The following CRYBG3 variants were observed in gnomAD, a reference collection of about 807,000 sequenced individuals.
CRYBG3 encodes very large A-kinase anchor protein.
Under a neutral mutation model 244.2 loss-of-function variants are expected in CRYBG3, and 127 were observed. The ratio of observed to expected loss-of-function variants is 0.52; its 90% CI spans 0.45 to 0.60. The LOEUF (loss-of-function observed/expected upper bound fraction) is 0.60, where lower values mean the gene tolerates loss of function less well. Ranked by LOEUF, CRYBG3 falls within the 20% of genes least tolerant of loss-of-function variation. The pLI, the probability that CRYBG3 is intolerant of heterozygous loss-of-function variation, is 0.00. For missense variants in CRYBG3, 3,325 were observed against 3,442.5 expected (o/e 0.97, Z 0.85); for synonymous variants, 1,132 against 1,195.8 (o/e 0.95, Z 1.10).
chr3:97,874,079 C>G lies in CRYBG3; in HGVS notation c.2885C>G (p.Ala962Gly). ...ISRQMAQNCE[A>G]HTCVFHQSLD... is the part of the protein sequence containing the mutation. ...AGGCAAATGGCGCAGAATTGTGAAG[C>G]TCACACTTGTGTGTTTCATCAATCT... is the stretch of plus-strand genomic sequence containing the variant. The change falls in exon 4 of 22, where the codon GCT (alanine) becomes GGT (glycine). Residue 962 changes from alanine (A) to glycine (G), a missense_variant. Physicochemically the swap from Ala to Gly is moderately conservative, Grantham distance 60. This residue lies in a region of CRYBG3 where 1,526 missense variants were observed against 1,443.2 expected (regional missense o/e 1.06). Transcript: ENST00000389622. 6.5e-7 allele frequency: 1 copy of G among 1,535,856 alleles called. No homozygotes were observed. The highest frequency in any genetic ancestry group is 1.2e-5 in the South Asian group (1 of 83,978).
Position 97,908,396 on chromosome 3 carries a change from G to T in CRYBG3, c.8005-3771G>T, listed in dbSNP as rs535068987. On this transcript the variant is annotated intron_variant, in intron 15 of 21. Coordinates refer to ENST00000389622, the MANE Select transcript of CRYBG3 (RefSeq NM_153605.4). The stretch of plus-strand genomic sequence containing the variant: ...TGTGGGAGTCTAAGTCTCTTTTTAG[G>T]TCACTCAGGACTTGCTTTATGAATC... Among the ~76,000 whole-genome samples the T allele has an allele frequency of 3.3e-5, 5 of 152,216 alleles. No homozygotes were observed. In the East Asian group the frequency reaches 9.7e-4, roughly 29 times the overall value.
chr3:97,866,724 T>C (rs2039236729), intron 3 of CRYBG3, among the ~76,000 whole-genome samples: 1 of 152,218 alleles, frequency 6.6e-6, no homozygotes, highest in Non-Finnish European at 1.5e-5. Context: ...TTTTCTTTGG[T>C]ACTAGTTGAT....
At chr3:97,856,086 A>G (rs2039059627) in intron 2 of CRYBG3, among the ~76,000 whole-genome samples, 1 of 152,080 alleles carries the variant, frequency 6.6e-6, no homozygotes, top group Non-Finnish European at 1.5e-5. Context: ...ACCATAAGAT[A>G]CGGGCACACC....
rs1245820799 is a variant in CRYBG3 at position 97,875,760 on chromosome 3, A to G, written c.4566A>G (p.Val1522=). The change falls in exon 4 of 22, where the codon GTA becomes GTG. Residue 1522 remains valine, a synonymous_variant. Transcript: ENST00000389622. ...ACACACCTCTTGCAATGTCAGATGT[A>G]GGGAAAGTACACAAGAAGGATAATG... ...SKNTPLAMSD[V]GKVHKKDNEI... 2.4e-6 allele frequency: 3 copies of G among 1,231,968 alleles called. No individual in the cohort carries two copies. Among genetic ancestry groups the G allele is most frequent in the East Asian group, 6.3e-5 (2 of 31,700 alleles). The allele number at this position is 1,231,968 out of a possible 1,614,324, so 76.3% of individuals were successfully genotyped here.
intron 17 of CRYBG3, among the ~76,000 whole-genome samples, chr3:97,921,338 G>A (rs565198859): frequency 2.6e-5 from 4 of 152,174 alleles, no homozygotes; most frequent in African/African-American, 9.6e-5. Flanking sequence ...AAGCCATTGA[G>A]GGGATGATTT....
intron 2 of CRYBG3, among the ~76,000 whole-genome samples, chr3:97,848,818 A>G (rs1559717793): frequency 1.3e-5 from 2 of 152,182 alleles, no homozygotes; most frequent in African/African-American, 4.8e-5. Flanking sequence ...TCTTTTTCAA[A>G]CATAACAGTG....
In CRYBG3 at chr3:97,943,269, C is replaced by A. The variant is rs201778793; in HGVS notation, c.8868C>A (p.Pro2956=). ...CDKTHVIVNQ[P]LEGEETQKWD... is the part of the protein sequence containing the mutation. Reference sequence around the variant, plus strand: ...AGACTCATGTAATTGTAAATCAGCCCCTGGAGGGAGAAGAAACACAGAAAT... The same window carrying A: ...AGACTCATGTAATTGTAAATCAGCCACTGGAGGGAGAAGAAACACAGAAAT... Residue 2956 remains proline (P), a synonymous_variant, in exon 22 of 22, where the codon CCC becomes CCA. Coordinates refer to ENST00000389622, the MANE Select transcript of CRYBG3 (RefSeq NM_153605.4). The A allele has an allele frequency of 1.3e-6, 2 of 1,593,416 alleles. No individual in the cohort carries two copies. Among genetic ancestry groups the A allele is most frequent in the Non-Finnish European group, 1.7e-6 (2 of 1,163,716 alleles).
chr3:97,936,961 T>C, intron 19 of CRYBG3, 53 bp downstream of exon 19: 2 of 1,583,492 alleles, frequency 1.3e-6, no homozygotes, highest in Admixed American at 1.8e-5. Flanking sequence ...GTGGTAGAAA[T>C]GTCATAAACC....
chr3:97,873,417 A>C lies in CRYBG3; in HGVS notation c.2223A>C (p.Lys741Asn), dbSNP rs1384235934. The C allele has an allele frequency of 5.9e-6, 9 of 1,535,320 alleles. No homozygotes were observed. The highest frequency in any genetic ancestry group is 7.8e-6 in the Non-Finnish European group (9 of 1,146,684). ...EFKEVLSNSE[K>N]CQVLPGSEAS... is the part of the protein sequence containing the mutation. The stretch of plus-strand genomic sequence containing the variant: ...AAGAAGTTCTTTCTAATAGTGAAAA[A>C]TGCCAGGTTCTTCCAGGTTCTGAAG... Residue 741 changes from lysine to asparagine, a missense_variant, in exon 4 of 22, where the codon AAA becomes AAC. Physicochemically the swap from Lys to Asn is moderately conservative, Grantham distance 94. Around this residue, in one of 4 missense-constraint regions of CRYBG3, gnomAD observed 1,526 missense variants for 1,443.2 expected, o/e 1.06. Transcript: ENST00000389622.
In CRYBG3 at chr3:97,849,485, GC is replaced by G. The variant is rs537741756; in HGVS notation, c.216+6225del. 1.2e-4 allele frequency among the ~76,000 whole-genome samples: 18 copies of G among 152,136 alleles called. No homozygotes were observed. The South Asian group carries it at 3.5e-3, about 30-fold the overall frequency. On this transcript the variant is annotated intron_variant, in intron 2 of 21. Transcript: ENST00000389622. ...CTGGAGTGCCCGAAATGGAAAATGC[GC>G]TGTGTGTTACTGTGCTGTCCAGTTG... is the stretch of plus-strand genomic sequence containing the variant.
At chr3:97,925,559 A>T (rs2040030959) in intron 17 of CRYBG3, among the ~76,000 whole-genome samples, 1 of 152,094 alleles carries the variant, frequency 6.6e-6, no homozygotes, top group African/African-American at 2.4e-5. Flanking sequence ...CAAACACAGT[A>T]GGCAAGGAAA....
intron 2 of CRYBG3, among the ~76,000 whole-genome samples, chr3:97,863,414 C>T (rs1220618596): frequency 1.3e-5 from 2 of 152,136 alleles, no homozygotes; most frequent in African/African-American, 4.8e-5. Flanking sequence ...AGTAACTTAA[C>T]TATGAGCAGG....
chr3:97,930,588 T>C (rs2040086771), intron 17 of CRYBG3, among the ~76,000 whole-genome samples: 1 of 152,078 alleles, frequency 6.6e-6, no homozygotes, highest in Non-Finnish European at 1.5e-5. Flanking sequence ...TCTTAGCTTA[T>C]GGTCTCACTG....
Position 97,843,212 on chromosome 3 carries a change from T to C in CRYBG3, c.167T>C (p.Met56Thr). The change falls in exon 2 of 22, where the codon ATG becomes ACG. Residue 56 changes from methionine (M) to threonine (T), a missense_variant. Physicochemically the swap from Met to Thr is moderately conservative, Grantham distance 81. Coordinates refer to ENST00000389622, the MANE Select transcript of CRYBG3 (RefSeq NM_153605.4). ...TTTTTCAGTGTTGAAAATGAGCCCA[T>C]GAGCACAAGTCAGAAAAAGGAAAAT... ...RSAASVENEP[M>T]STSQKKENVL... The C allele has an allele frequency of 6.6e-7, 1 of 1,522,360 alleles. No homozygotes were observed. Among genetic ancestry groups the C allele is most frequent in the Non-Finnish European group, 8.8e-7 (1 of 1,138,310 alleles). The allele number at this position is 1,522,360 out of a possible 1,614,324, so 94.3% of individuals were successfully genotyped here.
chr3:97,831,651 A>G (rs1024618716), intron 1 of CRYBG3, among the ~76,000 whole-genome samples: 2 of 152,148 alleles, frequency 1.3e-5, no homozygotes, highest in African/African-American at 4.8e-5. Flanking sequence ...GTAATGATCA[A>G]ATCAGGGTTT....
rs1054330882 is a variant in CRYBG3, at chr3:97,915,879, G to A, written c.8241+143G>A. ...AATATGAATAATTCATTTGTCAATC[G>A]TAAAACTGAGGTTCATTCATGAACT... On this transcript the variant is annotated intron_variant, in intron 17 of 21. Coordinates refer to ENST00000389622, the MANE Select transcript of CRYBG3 (RefSeq NM_153605.4). The A allele has an allele frequency of 4.0e-5, 26 of 652,872 alleles. 1 individual carries two copies. Among genetic ancestry groups the A allele is most frequent in the South Asian group, 2.6e-4 (8 of 30,682 alleles). 40.4% of individuals were successfully genotyped at this position (652,872 alleles called of 1,614,324 possible). A position where few individuals can be genotyped will look rare whatever the true frequency, so the allele number is the denominator to read the frequency against.
chr3:97,822,487 C>A (rs1223121983), intron 1 of CRYBG3, 132 bp downstream of exon 1: 2 of 841,862 alleles, frequency 2.4e-6, no homozygotes, highest in Non-Finnish European at 3.4e-6. Flanking sequence ...GTTCTCCTTC[C>A]TCCATTGCTA....
intron 1 of CRYBG3, among the ~76,000 whole-genome samples, chr3:97,827,636 C>G (rs1007432485): frequency 6.6e-6 from 1 of 152,046 alleles, no homozygotes; most frequent in African/African-American, 2.4e-5. Context: ...AAGGCCCTAC[C>G]CTTTATTAAG....
chr3:97,941,039 TATAAC>T, intron 19 of CRYBG3, 104 bp from the exon 20 acceptor site: 1 of 814,302 alleles, frequency 1.2e-6, no homozygotes, highest in Non-Finnish European at 2.0e-6. Context: ...GTGAAACTGA[TATAAC>T]TAAGATAGTT....
Sources: allele counts gnomAD v4.1 joint callset (sites outside exome capture counted in the v4.1 genomes callset), GRCh38; gene constraint gnomAD v4.1.1; regional missense constraint gnomAD v4.1.1; transcripts MANE v1.5; gene names NCBI Gene and HGNC (gene_info 2026-07-23, HGNC 2026-07-21).